The following CTNND2 variants were observed in gnomAD, a reference collection of about 807,000 sequenced individuals.
The protein encoded by CTNND2 is catenin delta-2.
CTNND2 carries 22 observed loss-of-function variants against 144.4 expected under a neutral mutation model. That is an observed-to-expected ratio of 0.15 (90% CI 0.11 to 0.22). The LOEUF (loss-of-function observed/expected upper bound fraction) is 0.22, where lower values mean the gene tolerates loss of function less well. Ranked by LOEUF, CTNND2 falls within the 10% of genes least tolerant of loss-of-function variation. The pLI, the probability that CTNND2 is intolerant of heterozygous loss-of-function variation, is 1.00. For missense variants in CTNND2, 1,353 were observed against 1,618.8 expected (o/e 0.84, Z 2.82); for synonymous variants, 751 against 695.6 (o/e 1.08, Z -1.25).
At chr5:11,648,109 T>C (rs1561655757) in intron 2 of CTNND2, among the ~76,000 whole-genome samples, 1 of 152,038 alleles carries the variant, frequency 6.6e-6, no homozygotes, top group African/African-American at 2.4e-5. Context: ...ATTTCTTATA[T>C]AATTTTCTGT....
At chr5:11,040,368 A>G (rs1474209339) in intron 16 of CTNND2, among the ~76,000 whole-genome samples, 2 of 152,252 alleles carry the variant, frequency 1.3e-5, no homozygotes, top group African/African-American at 4.8e-5. Flanking sequence ...CAATCCTCTG[A>G]AAAGAAATAA....
At chr5:11,821,525 T>C (rs1188694747) in intron 1 of CTNND2, among the ~76,000 whole-genome samples, 3 of 151,900 alleles carry the variant, frequency 2.0e-5, no homozygotes, top group Non-Finnish European at 4.4e-5. Flanking sequence ...AAGAATAAAA[T>C]AGCAAAACCA....
intron 9 of CTNND2, among the ~76,000 whole-genome samples, chr5:11,256,019 C>A (rs770191715): frequency 5.9e-5 from 9 of 152,332 alleles, no homozygotes; most frequent in African/African-American, 1.9e-4. Flanking sequence ...AACAGCCCTG[C>A]GTTCCGGCCA....
intron 9 of CTNND2, among the ~76,000 whole-genome samples, chr5:11,290,140 T>C (rs1748176610): frequency 6.6e-6 from 1 of 152,224 alleles, no homozygotes; most frequent in African/African-American, 2.4e-5. Flanking sequence ...GCAGCATTTT[T>C]ACATGGTTTT....
intron 12 of CTNND2, among the ~76,000 whole-genome samples, chr5:11,153,802 A>T (rs1389771461): frequency 6.6e-6 from 1 of 152,110 alleles, no homozygotes; most frequent in African/African-American, 2.4e-5. Context: ...TAAATAAACG[A>T]CTCAGCGGCA....
rs1453168509 is a variant in CTNND2, at chr5:11,385,092, G to A, written c.750C>T (p.Ala250=). ...LPDAPPAAAA[A]ALYYSSSTLP... ...GCGTGGAGCTGGAGTAGTAGAGCGC[G>A]GCGGCGGCGGCGGCGGGCGGCGCGT... Residue 250 remains alanine (A), a synonymous_variant, in exon 7 of 22, where the codon GCC becomes GCT. Coordinates refer to ENST00000304623, the MANE Select transcript of CTNND2 (RefSeq NM_001332.4). 6 of 982,478 alleles carry A rather than the reference G, an allele frequency of 6.1e-6. No individual in the cohort carries two copies. Among genetic ancestry groups the A allele is most frequent in the East Asian group, 2.0e-4 (2 of 9,938 alleles). 60.9% of individuals were successfully genotyped at this position (982,478 alleles called of 1,614,324 possible). A position where few individuals can be genotyped will look rare whatever the true frequency, so the allele number is the denominator to read the frequency against.
At chr5:11,333,299 T>C (rs922698459) in intron 9 of CTNND2, among the ~76,000 whole-genome samples, 19 of 152,186 alleles carry the variant, frequency 1.2e-4, no homozygotes, top group Non-Finnish European at 1.5e-4. Flanking sequence ...GGTCTCACTC[T>C]GTTGCCCAGG....
intron 10 of CTNND2, among the ~76,000 whole-genome samples, chr5:11,200,673 CTTTTCTTTTTTCT>C (rs1185495818): frequency 2.0e-5 from 3 of 152,006 alleles, no homozygotes; most frequent in African/African-American, 7.3e-5. Context: ...CTCTTTCTTT[CTTTTCTTTTTTCT>C]TTTTCTTTTT....
At chr5:11,377,798 C>T (rs1473041190) in intron 7 of CTNND2, among the ~76,000 whole-genome samples, 1 of 152,140 alleles carries the variant, frequency 6.6e-6, no homozygotes, top group Admixed American at 6.5e-5. Flanking sequence ...GTTAAAATTG[C>T]ACTGTTCCCA....
At chr5:11,220,072 G>A (rs1358351037) in intron 10 of CTNND2, among the ~76,000 whole-genome samples, 2 of 152,016 alleles carry the variant, frequency 1.3e-5, no homozygotes, top group East Asian at 1.9e-4. Context: ...ATTTGTAAAC[G>A]ATATTATTAT....
At position 11,003,755 on chromosome 5, in the gene CTNND2, T is replaced by C. The variant is rs183355798; in HGVS notation, c.3085-11078A>G. On this transcript the variant is annotated intron_variant, in intron 18 of 21. Transcript: ENST00000304623. ...AATTCCAAGAGCTATTAGAGTTAAA[T>C]ATTTAAACTAAATTTTAAGGGCCAA... is the stretch of plus-strand genomic sequence containing the variant. Among the ~76,000 whole-genome samples, 6 of 152,356 alleles carry C rather than the reference T, an allele frequency of 3.9e-5. No homozygotes were observed. In the East Asian group the frequency reaches 1.2e-3, roughly 29 times the overall value.
chr5:11,412,142 C>T (rs1052279038), intron 3 of CTNND2, 73 bp from the exon 4 acceptor site: 50 of 1,205,714 alleles, frequency 4.1e-5, no homozygotes, highest in Non-Finnish European at 5.7e-5. Context: ...ATCTAAGACA[C>T]AAAGGCATAT....
At chr5:11,333,649 T>C (rs1413078771) in intron 9 of CTNND2, among the ~76,000 whole-genome samples, 4 of 152,344 alleles carry the variant, frequency 2.6e-5, no homozygotes, top group South Asian at 4.1e-4. Flanking sequence ...CACAGGTTCA[T>C]AGGAACACCA....
At chr5:11,606,245 T>C (rs1780037696) in intron 2 of CTNND2, among the ~76,000 whole-genome samples, 1 of 152,190 alleles carries the variant, frequency 6.6e-6, no homozygotes, top group African/African-American at 2.4e-5. Context: ...GATACTTCCC[T>C]AGAACCTCCA....
chr5:11,121,807 T>C (rs1050492259), intron 12 of CTNND2, among the ~76,000 whole-genome samples: 19 of 152,232 alleles, frequency 1.2e-4, no homozygotes, highest in Non-Finnish European at 2.5e-4. Flanking sequence ...ATGGCCAGGA[T>C]ACTGAAGATC....
chr5:11,385,051 C>G lies in CTNND2; in HGVS notation c.791G>C (p.Arg264Pro), dbSNP rs1758916658. 1 of 1,111,844 alleles carries G rather than the reference C, an allele frequency of 9.0e-7. No homozygotes were observed. The highest frequency in any genetic ancestry group is 5.1e-5 in the Admixed American group (1 of 19,522). The allele number at this position is 1,111,844 out of a possible 1,614,324, so 68.9% of individuals were successfully genotyped here. A position where few individuals can be genotyped will look rare whatever the true frequency, so the allele number is the denominator to read the frequency against. The part of the protein sequence containing the change: ...YSSSTLPAPP[R>P]GGSPLAAPQG... ...GGGCGCGGCCAGCGGGGAGCCCCCG[C>G]GCGGCGGCGCGGGCAGCGTGGAGCT... is the stretch of plus-strand genomic sequence containing the variant. Residue 264 changes from arginine to proline, a missense_variant, in exon 7 of 22, where the codon CGC (arginine) becomes CCC (proline). By Grantham distance (103) the Arg-to-Pro change is moderately radical. This residue lies in a region of CTNND2 where 708 missense variants were observed against 706.4 expected (regional missense o/e 1.00). Coordinates refer to ENST00000304623, the MANE Select transcript of CTNND2 (RefSeq NM_001332.4).
intron 10 of CTNND2, among the ~76,000 whole-genome samples, chr5:11,200,486 A>G (rs1737308962): frequency 6.6e-6 from 1 of 152,216 alleles, no homozygotes; most frequent in Non-Finnish European, 1.5e-5. Flanking sequence ...TTTTGCATGT[A>G]TATGGACAAA....
intron 2 of CTNND2, among the ~76,000 whole-genome samples, chr5:11,576,761 A>G (rs1490805308): frequency 6.6e-6 from 1 of 152,184 alleles, no homozygotes; most frequent in African/African-American, 2.4e-5. Flanking sequence ...CTGTTTTCTC[A>G]TCATTTGCCT....
At chr5:11,719,946 A>AT (rs1236049998) in intron 2 of CTNND2, among the ~76,000 whole-genome samples, 4 of 152,176 alleles carry the variant, frequency 2.6e-5, no homozygotes, top group Non-Finnish European at 4.4e-5. Context: ...GAAAAGGATA[A>AT]TATATTTTGA....
Sources: allele counts gnomAD v4.1 joint callset (sites outside exome capture counted in the v4.1 genomes callset), GRCh38; gene constraint gnomAD v4.1.1; regional missense constraint gnomAD v4.1.1; transcripts MANE v1.5; gene names NCBI Gene and HGNC (gene_info 2026-07-23, HGNC 2026-07-21).